Variants in ZFHX3 observed in about 807,000 individuals in gnomAD.
The protein encoded by ZFHX3 is zinc finger homeobox protein 3.
Under a neutral mutation model 279.1 loss-of-function variants are expected in ZFHX3, and 42 were observed. The observed-to-expected ratio is 0.15, with a 90% confidence interval of 0.12 to 0.19. The LOEUF (loss-of-function observed/expected upper bound fraction) is 0.19. Ranked by LOEUF, ZFHX3 falls within the 10% of genes least tolerant of loss-of-function variation. The pLI is 1.00. For synonymous variants in ZFHX3, 2,293 were observed against 1,957.8 expected, an observed-to-expected ratio of 1.17 and a Z score of -4.52; for missense variants, 4,981 against 4,754.0, an observed-to-expected ratio of 1.05 and a Z score of -1.40.
chr16:73,308,260 TA>T lies in ZFHX3; in HGVS notation c.-1194+9979del, dbSNP rs2015235736. 8.6e-3 allele frequency among the ~76,000 whole-genome samples: 287 copies of T among 33,390 alleles called. 3 individuals carry two copies. The highest frequency in any genetic ancestry group is 0.024 in the Middle Eastern group (1 of 42). The allele number at this position is 33,390 out of a possible 152,430, so 21.9% of individuals were successfully genotyped here. On this transcript the variant is annotated intron_variant, in intron 4 of 17. Coordinates refer to the ZFHX3 transcript ENST00000641206. ...ATATATATATATATATATATATATA[TA>T]TATATATATATATATATTTATTTAT...
At chr16:73,053,088 A>AT (rs77396399), upstream of ZFHX3, among the ~76,000 whole-genome samples, 269 of 150,690 alleles carry the variant, frequency 1.8e-3, 2 homozygotes, top group South Asian at 0.027. Flanking sequence ...CAAAACAATA[A>AT]TTTTTTTTTT....
chr16:73,744,686 T>C (rs1346340836), intron 1 of ZFHX3, among the ~76,000 whole-genome samples: 2 of 152,192 alleles, frequency 1.3e-5, no homozygotes, highest in Admixed American at 1.3e-4. Flanking sequence ...GACTTCCGTG[T>C]CTCATTACCA....
At chr16:73,629,051 C>T (rs544400380) in intron 2 of ZFHX3, among the ~76,000 whole-genome samples, 37 of 152,302 alleles carry the variant, frequency 2.4e-4, no homozygotes, top group Admixed American at 9.8e-4. Flanking sequence ...AATAAACCCC[C>T]GCCGGTGTGC....
intron 4 of ZFHX3, among the ~76,000 whole-genome samples, chr16:72,887,352 G>C (rs2038652444): frequency 6.6e-6 from 1 of 152,006 alleles, no homozygotes; most frequent in Non-Finnish European, 1.5e-5. Flanking sequence ...GAAAACCAGA[G>C]AAAACAATAA....
chr16:72,854,212 C>CT (rs2037692677), intron 4 of ZFHX3, among the ~76,000 whole-genome samples: 2 of 152,324 alleles, frequency 1.3e-5, no homozygotes, highest in Admixed American at 1.3e-4. Context: ...CTCTCCCTCC[C>CT]CTGCCTGCTA....
At chr16:73,670,833 G>A (rs1480506326) in intron 2 of ZFHX3, among the ~76,000 whole-genome samples, 1 of 152,150 alleles carries the variant, frequency 6.6e-6, no homozygotes, top group Non-Finnish European at 1.5e-5. Context: ...ACAAAGTAAA[G>A]AGTAGCATCC....
intron 6 of ZFHX3, among the ~76,000 whole-genome samples, chr16:73,131,367 A>T (rs924157906): frequency 6.6e-6 from 1 of 152,316 alleles, no homozygotes; most frequent in Admixed American, 6.5e-5. Flanking sequence ...ATTCAACCCT[A>T]TGGAAGTAGG....
intron 2 of ZFHX3, among the ~76,000 whole-genome samples, chr16:73,501,300 A>C (rs577098277): frequency 6.6e-6 from 1 of 152,236 alleles, no homozygotes; most frequent in African/African-American, 2.4e-5. Flanking sequence ...CATTTCTTAG[A>C]ACATATCTTC....
chr16:73,225,721 A>ATGAACACTGTGTTCTGCATAGTATCATC (rs2012571733), intron 5 of ZFHX3, among the ~76,000 whole-genome samples: 2 of 152,356 alleles, frequency 1.3e-5, no homozygotes, highest in Non-Finnish European at 2.9e-5. Context: ...GTCATGACCC[A>ATGAACACTGTGTTCTGCATAGTATCATC]TGAACACTGT....
chr16:73,401,319 G>C (rs565446128), intron 3 of ZFHX3: 1 of 146,802 alleles, frequency 6.8e-6, no homozygotes, highest in African/African-American at 2.5e-5. Flanking sequence ...CTCCAGTCAC[G>C]ATCCAGCCGA....
chr16:73,719,440 T>A (rs923371883), intron 1 of ZFHX3, among the ~76,000 whole-genome samples: 25 of 152,088 alleles, frequency 1.6e-4, no homozygotes, highest in African/African-American at 6.0e-4. Context: ...TTCACACACA[T>A]GCTTAGGAAC....
intron 2 of ZFHX3, among the ~76,000 whole-genome samples, chr16:73,587,990 G>A (rs910348904): frequency 3.0e-4 from 46 of 152,098 alleles, no homozygotes; most frequent in Non-Finnish European, 4.4e-4. Flanking sequence ...CAAAAATGGG[G>A]CACACAGTGG....
intron 1 of ZFHX3, among the ~76,000 whole-genome samples, chr16:73,681,501 T>C (rs113750287): frequency 1.3e-5 from 2 of 152,262 alleles, no homozygotes; most frequent in Admixed American, 1.3e-4. Flanking sequence ...AGCCGAGAGA[T>C]AAAGAATGAA....
chr16:73,662,493 C>A (rs1420643442), intron 2 of ZFHX3, among the ~76,000 whole-genome samples: 3 of 91,494 alleles, frequency 3.3e-5, no homozygotes, highest in Non-Finnish European at 8.0e-5. Flanking sequence ...TCCATACCCC[C>A]CTAGGATGAT....
intron 2 of ZFHX3, among the ~76,000 whole-genome samples, chr16:73,659,286 A>C (rs2052754891): frequency 6.6e-6 from 1 of 152,190 alleles, no homozygotes; most frequent in African/African-American, 2.4e-5. Context: ...CATACGTGCA[A>C]AAACAACCTT....
intron 4 of ZFHX3, among the ~76,000 whole-genome samples, chr16:73,284,869 G>A (rs993387392): frequency 2.6e-5 from 4 of 151,952 alleles, no homozygotes; most frequent in African/African-American, 4.8e-5. Flanking sequence ...TTAAGACACG[G>A]TCTCTCCCTG....
intron 4 of ZFHX3, among the ~76,000 whole-genome samples, chr16:73,279,303 G>C (rs1036297990): frequency 6.6e-6 from 1 of 151,992 alleles, no homozygotes; most frequent in African/African-American, 2.4e-5. Context: ...GATATCTGTC[G>C]TAAGTAAAAT....
intron 5 of ZFHX3, among the ~76,000 whole-genome samples, chr16:72,819,056 CTTT>C (rs775986174): frequency 2.4e-4 from 36 of 152,174 alleles, no homozygotes; most frequent in Non-Finnish European, 3.7e-4. Context: ...TACGATTTTA[CTTT>C]TTGTTTGGAA....
Position 73,657,316 on chromosome 16 carries a change from G to A in ZFHX3, c.-1547+22864C>T, listed in dbSNP as rs141507412. Among the ~76,000 whole-genome samples, 15 of 152,324 alleles carry A rather than the reference G, an allele frequency of 9.8e-5. No individual in the cohort carries two copies. The East Asian group carries it at 2.9e-3, about 29-fold the overall frequency. ...TACTAAAAATACAAAAATTAGCCGG[G>A]CGTGGTGGTGCATGCCTGCAATCCC... is the stretch of plus-strand genomic sequence containing the variant. On this transcript the variant is annotated intron_variant, in intron 2 of 17. Coordinates refer to the ZFHX3 transcript ENST00000641206.
Sources: allele counts gnomAD v4.1 joint callset (sites outside exome capture counted in the v4.1 genomes callset), GRCh38; gene constraint gnomAD v4.1.1; transcripts MANE v1.5; gene names NCBI Gene and HGNC (gene_info 2026-07-23, HGNC 2026-07-21).